The following GOLGA6L7 variants were observed in gnomAD, a reference collection of about 807,000 sequenced individuals.
The protein encoded by GOLGA6L7 is golgin A6 family like 7.
A neutral mutation model predicts 68.9 loss-of-function variants in GOLGA6L7; 29 were observed. The ratio of observed to expected loss-of-function variants is 0.42; its 90% CI spans 0.31 to 0.57. The LOEUF (loss-of-function observed/expected upper bound fraction) is 0.57, where lower values mean the gene tolerates loss of function less well. GOLGA6L7 is among the 20% of genes least tolerant of loss of function. GOLGA6L7 has a pLI of 0.13. For synonymous variants in GOLGA6L7, 133 were observed against 197.4 expected (o/e 0.67, Z 2.73); for missense variants, 396 against 588.4 (o/e 0.67, Z 3.38).
rs183799270 is a variant in GOLGA6L7, at chr15:28,848,331, T to G, written c.51+168A>C. On this transcript the variant is annotated intron_variant, in intron 1 of 8. Transcript: ENST00000567390. Reference sequence around the variant, plus strand: ...CCGGTGAGGGCAGGGGCAGGACTGCTGAGGGGTTGGGGCTGACACAAGATT... The same window carrying G: ...CCGGTGAGGGCAGGGGCAGGACTGCGGAGGGGTTGGGGCTGACACAAGATT... Among the ~76,000 whole-genome samples the G allele has an allele frequency of 1.9e-3, 290 of 151,592 alleles. 1 individual carries two copies. The highest frequency in any genetic ancestry group is 6.9e-3 in the African/African-American group (284 of 41,264).
chr15:28,843,680 G>C (rs1184739791), intron 8 of GOLGA6L7, 54 bp downstream of exon 8: 6 of 624,470 alleles, frequency 9.6e-6, no homozygotes, highest in Admixed American at 8.4e-5. Context: ...ATGATCCCTA[G>C]ACCATGTCCC....
At chr15:28,843,566 G>A (rs2030298174) in intron 8 of GOLGA6L7, 126 bp from the exon 9 acceptor site, 5 of 469,492 alleles carry the variant, frequency 1.1e-5, no homozygotes, top group Middle Eastern at 5.2e-4. Flanking sequence ...CCCAGGCATG[G>A]TCCCAATTTG....
Position 28,845,856 on chromosome 15 carries a change from A to G in GOLGA6L7, c.261+44T>C. The G allele has an allele frequency of 2.8e-6, 3 of 1,056,590 alleles. No individual in the cohort carries two copies. In the South Asian group the frequency reaches 3.9e-5, roughly 14 times the overall value. 65.5% of individuals were successfully genotyped at this position (1,056,590 alleles called of 1,614,324 possible). On this transcript the variant is annotated intron_variant, in intron 4 of 8. Coordinates refer to ENST00000567390, the MANE Select transcript of GOLGA6L7 (RefSeq NM_001365371.2). ...CAAGTGCTGAAAGAGAAGCAAAGAA[A>G]CCTTCTCCAGAGGACAGGAGGGAAC...
intron 1 of GOLGA6L7, among the ~76,000 whole-genome samples, 183 bp downstream of exon 1, chr15:28,848,316 C>CA (rs2030515739): frequency 6.6e-6 from 1 of 152,014 alleles, no homozygotes; most frequent in African/African-American, 2.4e-5. Context: ...CCGGTGAGGG[C>CA]AGGGGCAGGA....
intron 1 of GOLGA6L7, among the ~76,000 whole-genome samples, chr15:28,848,281 C>T (rs935456214): frequency 5.5e-4 from 83 of 152,152 alleles, no homozygotes; most frequent in African/African-American, 1.9e-3. Flanking sequence ...CCACGAGTCA[C>T]CGGCTGAAAG....
rs767467948 is a variant in GOLGA6L7, at chr15:28,847,188, G to T, written c.56C>A (p.Thr19Lys). Residue 19 changes from threonine to lysine, a missense_variant, in exon 2 of 9, where the codon ACA becomes AAA. Thr to Lys is a moderately conservative substitution (Grantham distance 78). This residue lies in a region of GOLGA6L7 where 18 missense variants were observed against 56.5 expected (regional missense o/e 0.32). Coordinates refer to ENST00000567390, the MANE Select transcript of GOLGA6L7 (RefSeq NM_001365371.2). ...AGCACTGTTCCACTGATGATAGTCT[G>T]TAAACTGTGGAAAAGAGGAGCAGTG... Reference protein sequence around the residue: ...RKLAGTKKKFTDYHQWNSAGV... With the variant: ...RKLAGTKKKFKDYHQWNSAGV... 2.9e-6 allele frequency: 4 copies of T among 1,385,148 alleles called. No individual in the cohort carries two copies. The highest frequency in any genetic ancestry group is 3.6e-5 in the Admixed American group (2 of 55,662). The allele number at this position is 1,385,148 out of a possible 1,614,324, so 85.8% of individuals were successfully genotyped here.
At chr15:28,845,420 C>T (rs2030386951) in intron 6 of GOLGA6L7, 109 bp downstream of exon 6, 1 of 699,586 alleles carries the variant, frequency 1.4e-6, no homozygotes, top group Non-Finnish European at 2.6e-6. Flanking sequence ...AGAAATGGCC[C>T]ATGCTGTCTT....
In GOLGA6L7 at chr15:28,842,734, A is replaced by G. The variant is rs2030241165; in HGVS notation, c.1370T>C (p.Met457Thr). The stretch of plus-strand genomic sequence containing the variant: ...CCCCATCTGCTCCTCCTGCTTCCGC[A>G]TCTGCTCCTCCTGCTCCCCCATCTG... ...EEQMGEQEEQ[M>T]RKQEEQMGEQ... Residue 457 changes from methionine (M) to threonine (T), a missense_variant, in exon 9 of 9, where the codon ATG becomes ACG. Coordinates refer to ENST00000567390, the MANE Select transcript of GOLGA6L7 (RefSeq NM_001365371.2). The G allele has an allele frequency of 7.9e-7, 1 of 1,265,504 alleles. No individual in the cohort carries two copies. Among genetic ancestry groups the G allele is most frequent in the Non-Finnish European group, 9.8e-7 (1 of 1,016,178 alleles). 78.4% of individuals were successfully genotyped at this position (1,265,504 alleles called of 1,614,324 possible).
rs866500091 is a variant in GOLGA6L7, at chr15:28,843,308, C to T, written c.796G>A (p.Asp266Asn). The change falls in exon 9 of 9, where the codon GAC (aspartate) becomes AAC (asparagine). Residue 266 changes from aspartate to asparagine, a missense_variant. Asp to Asn is a conservative substitution (Grantham distance 23, BLOSUM62 1). Transcript: ENST00000567390. ...KMWRQEQRLRDQEKELREQEQ... is the reference protein window; with the variant it reads ...KMWRQEQRLRNQEKELREQEQ... Reference sequence around the variant, plus strand: ...TGCTCCCGCAGCTCCTTCTCCTGGTCCCGCAGCCTCTGCTCCTGTCTCCAC... The same window carrying T: ...TGCTCCCGCAGCTCCTTCTCCTGGTTCCGCAGCCTCTGCTCCTGTCTCCAC... 2 of 1,148,716 alleles carry T rather than the reference C, an allele frequency of 1.7e-6. No homozygotes were observed. Among genetic ancestry groups the T allele is most frequent in the Middle Eastern group, 2.5e-4 (1 of 3,996 alleles). 71.2% of individuals were successfully genotyped at this position (1,148,716 alleles called of 1,614,324 possible).
intron 6 of GOLGA6L7, chr15:28,845,163 C>T (rs2880906): frequency 5.3e-6 from 2 of 378,850 alleles, no homozygotes; most frequent in South Asian, 2.1e-5. Context: ...CACACACACA[C>T]ACGTACATGT....
chr15:28,846,038 G>C, intron 3 of GOLGA6L7, 88 bp from the exon 4 acceptor site: 1 of 895,226 alleles, frequency 1.1e-6, no homozygotes, highest in Non-Finnish European at 1.8e-6. Flanking sequence ...TGGCCCCACT[G>C]TCCCAGGACA....
chr15:28,844,836 A>G (rs2943141), intron 6 of GOLGA6L7: 2,984 of 158,940 alleles, frequency 0.019, 118 homozygotes, highest in African/African-American at 0.07. Context: ...TGTAGATGAA[A>G]AACATGGGGT....
chr15:28,842,158 T>C lies in GOLGA6L7; in HGVS notation c.*77A>G. On this transcript the variant is annotated 3_prime_UTR_variant, in exon 9 of 9. Coordinates refer to ENST00000567390, the MANE Select transcript of GOLGA6L7 (RefSeq NM_001365371.2). Reference sequence around the variant, plus strand: ...ACAATTTAAAATAAATTTTCTTTTTTTCAAGTTTGTTCTCAGACTGTATTC... The same window carrying C: ...ACAATTTAAAATAAATTTTCTTTTTCTCAAGTTTGTTCTCAGACTGTATTC... 1 of 1,180,262 alleles carries C rather than the reference T, an allele frequency of 8.5e-7. No homozygotes were observed. Among genetic ancestry groups the C allele is most frequent in the South Asian group, 4.5e-5 (1 of 22,364 alleles). 73.1% of individuals were successfully genotyped at this position (1,180,262 alleles called of 1,614,324 possible). A position where few individuals can be genotyped will look rare whatever the true frequency, so the allele number is the denominator to read the frequency against.
In GOLGA6L7 at chr15:28,848,618, A is replaced by G. The variant is rs1205527507; in HGVS notation, c.-69T>C. On this transcript the variant is annotated 5_prime_UTR_variant, in exon 1 of 9. Coordinates refer to ENST00000567390, the MANE Select transcript of GOLGA6L7 (RefSeq NM_001365371.2). ...CAGGCGAGGACAGTGATATGCCTCCAGTCACGTACCACACAGCTATGTGAC... is the reference window on the plus strand; with the variant it reads ...CAGGCGAGGACAGTGATATGCCTCCGGTCACGTACCACACAGCTATGTGAC... 1.4e-6 allele frequency: 1 copy of G among 733,530 alleles called. No homozygotes were observed. The highest frequency in any genetic ancestry group is 1.7e-5 in the African/African-American group (1 of 58,384). 45.4% of individuals were successfully genotyped at this position (733,530 alleles called of 1,614,324 possible). A position where few individuals can be genotyped will look rare whatever the true frequency, so the allele number is the denominator to read the frequency against.
Position 28,844,271 on chromosome 15 carries a change from CAG to C in GOLGA6L7, c.463-10_463-9del. On this transcript the variant is annotated splice_polypyrimidine_tract_variant and intron_variant, in intron 6 of 8. Transcript: ENST00000567390. ...TGTTAACTCCTTGATGTACTGCAAACAGAGAAAGGTCAAGTCAGGATACAGCA... is the reference window on the plus strand; with the variant it reads ...TGTTAACTCCTTGATGTACTGCAAACAGAAAGGTCAAGTCAGGATACAGCA... 1 of 381,510 alleles carries C rather than the reference CAG, an allele frequency of 2.6e-6. No homozygotes were observed. 23.6% of individuals were successfully genotyped at this position (381,510 alleles called of 1,614,324 possible).
intron 6 of GOLGA6L7, chr15:28,845,316 T>A: frequency 1.5e-6 from 1 of 648,826 alleles, no homozygotes; most frequent in Non-Finnish European, 2.8e-6. Flanking sequence ...CCGAGCTCTG[T>A]GTCCAGTGCT....
intron 6 of GOLGA6L7, chr15:28,845,308 G>C (rs370798036): frequency 4.7e-6 from 3 of 634,480 alleles, no homozygotes; most frequent in South Asian, 3.4e-5. Context: ...CTTGGCCTCC[G>C]AGCTCTGTGT....
rs180950933 is a variant in GOLGA6L7 at position 28,844,219 on chromosome 15, C to T, written c.507G>A (p.Glu169=). ...LTKEREAMSL[E]LFRNIITNKE... ...CCCTATCCTACATGTTCCTGAACAG[C>T]TCCAGACTCATGGCTTCCCTCTCCT... Residue 169 remains glutamate (E), a synonymous_variant, in exon 7 of 9, where the codon GAG becomes GAA. Transcript: ENST00000567390. The T allele has an allele frequency of 5.1e-4, 251 of 495,530 alleles. 6 individuals carry two copies. The highest frequency in any genetic ancestry group is 4.5e-3 in the African/African-American group (221 of 49,516). The allele number at this position is 495,530 out of a possible 1,614,324, so 30.7% of individuals were successfully genotyped here. A position where few individuals can be genotyped will look rare whatever the true frequency, so the allele number is the denominator to read the frequency against.
intron 1 of GOLGA6L7, among the ~76,000 whole-genome samples, chr15:28,848,198 G>A (rs972396004): frequency 9.2e-5 from 14 of 152,212 alleles, no homozygotes; most frequent in African/African-American, 2.9e-4. Context: ...CCTTGGGAAC[G>A]TGAGCCCGAA....
Sources: allele counts gnomAD v4.1 joint callset (sites outside exome capture counted in the v4.1 genomes callset), GRCh38; gene constraint gnomAD v4.1.1; regional missense constraint gnomAD v4.1.1; transcripts MANE v1.5; gene names NCBI Gene and HGNC (gene_info 2026-07-23, HGNC 2026-07-21).